LMX1A: variants seen among roughly 807,000 people sequenced by gnomAD.
The protein encoded by LMX1A is LIM homeobox transcription factor 1 alpha, also known as LIM homeobox transcription factor 1-alpha.
LMX1A carries 15 observed loss-of-function variants against 49.1 expected under a neutral mutation model. The ratio of observed to expected loss-of-function variants is 0.31; its 90% CI spans 0.20 to 0.47. The LOEUF is 0.47. LMX1A is among the 20% of genes least tolerant of loss of function. The pLI is 1.00. For missense variants in LMX1A, 372 were observed against 475.8 expected, an observed-to-expected ratio of 0.78 and a Z score of 2.03; for synonymous variants, 167 against 185.7, an observed-to-expected ratio of 0.90 and a Z score of 0.82.
At chr1:165,325,446 T>G (rs956503031) in intron 3 of LMX1A, among the ~76,000 whole-genome samples, 1 of 104,684 alleles carries the variant, frequency 9.6e-6, no homozygotes, top group South Asian at 3.3e-4. Flanking sequence ...TATGTATATG[T>G]ATATGTATAT....
chr1:165,321,265 T>C (rs778031805), intron 3 of LMX1A, among the ~76,000 whole-genome samples: 89 of 152,156 alleles, frequency 5.8e-4, no homozygotes, highest in South Asian at 1.9e-3. Context: ...TTACTGCTAA[T>C]GGATACAGAG....
At chr1:165,354,399 C>T (rs1203955052) in intron 2 of LMX1A, among the ~76,000 whole-genome samples, 2 of 152,150 alleles carry the variant, frequency 1.3e-5, no homozygotes, top group Admixed American at 1.3e-4. Flanking sequence ...TGAGAGCGAA[C>T]GTGGGCCGAG....
intron 3 of LMX1A, among the ~76,000 whole-genome samples, chr1:165,344,576 T>C (rs1382831817): frequency 8.5e-5 from 13 of 152,144 alleles, no homozygotes; most frequent in Admixed American, 7.2e-4. Context: ...GGAAGAAATA[T>C]TAGGCAAAAG....
At chr1:165,306,870 G>A (rs1454118845) in intron 3 of LMX1A, among the ~76,000 whole-genome samples, 1 of 152,200 alleles carries the variant, frequency 6.6e-6, no homozygotes, top group Non-Finnish European at 1.5e-5. Context: ...GTTGAAAGCT[G>A]TGTGCGCCAT....
chr1:165,328,921 A>G (rs1655661496), intron 3 of LMX1A, among the ~76,000 whole-genome samples: 1 of 152,232 alleles, frequency 6.6e-6, no homozygotes, highest in African/African-American at 2.4e-5. Context: ...TCATTGTGGT[A>G]TCAATGTGCA....
chr1:165,258,772 C>T (rs1343576700), intron 3 of LMX1A, among the ~76,000 whole-genome samples: 1 of 152,180 alleles, frequency 6.6e-6, no homozygotes, highest in Non-Finnish European at 1.5e-5. Flanking sequence ...AAGTGCTTTT[C>T]TTGTTCTCGC....
intron 3 of LMX1A, among the ~76,000 whole-genome samples, chr1:165,260,079 T>C (rs1392820133): frequency 3.3e-5 from 5 of 152,196 alleles, no homozygotes; most frequent in East Asian, 1.9e-4. Flanking sequence ...AAAACAGACA[T>C]ATGGAAAATA....
chr1:165,258,847 A>C (rs943654100), intron 3 of LMX1A, among the ~76,000 whole-genome samples: 2 of 152,182 alleles, frequency 1.3e-5, no homozygotes, highest in Admixed American at 1.3e-4. Context: ...ATCTGATTAA[A>C]CCTGTATTCA....
At chr1:165,281,193 C>T (rs1654137803) in intron 3 of LMX1A, among the ~76,000 whole-genome samples, 1 of 152,102 alleles carries the variant, frequency 6.6e-6, no homozygotes. Flanking sequence ...ACTTTTAGTA[C>T]CTCTGAGAAA....
chr1:165,240,550 C>T (rs10800078), intron 4 of LMX1A, among the ~76,000 whole-genome samples: 152,088 of 152,334 alleles, frequency 1, 75,922 homozygotes, highest in Middle Eastern at 1. Flanking sequence ...ACATAGCATT[C>T]AGCACAGAGT....
At chr1:165,257,652 G>A (rs1227456473) in intron 3 of LMX1A, among the ~76,000 whole-genome samples, 1 of 152,160 alleles carries the variant, frequency 6.6e-6, no homozygotes, top group African/African-American at 2.4e-5. Flanking sequence ...ATTCCCTTGG[G>A]AGCCTGGCAA....
intron 4 of LMX1A, among the ~76,000 whole-genome samples, chr1:165,237,993 G>A (rs12079805): frequency 0.022 from 3,316 of 152,270 alleles, 125 homozygotes; most frequent in African/African-American, 0.075. Flanking sequence ...AGATATGAAA[G>A]ACTGAAGTCA....
At chr1:165,244,719 A>G (rs1652780029) in intron 4 of LMX1A, among the ~76,000 whole-genome samples, 1 of 152,152 alleles carries the variant, frequency 6.6e-6, no homozygotes, top group South Asian at 2.1e-4. Flanking sequence ...CTTGGACTGG[A>G]TAAACTCCAA....
At chr1:165,282,767 T>C (rs886777453) in intron 3 of LMX1A, among the ~76,000 whole-genome samples, 57 of 152,204 alleles carry the variant, frequency 3.7e-4, no homozygotes, top group Admixed American at 3.3e-3. Flanking sequence ...CCAGTCCTTC[T>C]AGGCCTCCAA....
chr1:165,318,630 G>C (rs1420968265), intron 3 of LMX1A, among the ~76,000 whole-genome samples: 1 of 152,084 alleles, frequency 6.6e-6, no homozygotes, highest in Admixed American at 6.6e-5. Flanking sequence ...GGAAGCCCCT[G>C]GGTGGCTTCC....
chr1:165,211,509 G>GA (rs1651391865), intron 5 of LMX1A, among the ~76,000 whole-genome samples: 1 of 152,192 alleles, frequency 6.6e-6, no homozygotes, highest in Non-Finnish European at 1.5e-5. Flanking sequence ...TTTCAGAGGG[G>GA]GGCCTGAGAG....
At chr1:165,236,533 T>G (rs1235956733) in intron 4 of LMX1A, among the ~76,000 whole-genome samples, 1 of 152,228 alleles carries the variant, frequency 6.6e-6, no homozygotes, top group Non-Finnish European at 1.5e-5. Context: ...TACAAAAATA[T>G]TATTCATTGT....
intron 4 of LMX1A, among the ~76,000 whole-genome samples, chr1:165,217,070 T>C (rs1651666359): frequency 6.6e-6 from 1 of 152,182 alleles, no homozygotes. Flanking sequence ...TTAATTACAG[T>C]CAGTGGGGGG....
chr1:165,234,684 T>C (rs1452184070), intron 4 of LMX1A, among the ~76,000 whole-genome samples: 2 of 152,194 alleles, frequency 1.3e-5, no homozygotes, highest in Non-Finnish European at 2.9e-5. Context: ...GTGAGACTAA[T>C]TCTCTGAGGT....
Sources: allele counts gnomAD v4.1 joint callset (sites outside exome capture counted in the v4.1 genomes callset), GRCh38; gene constraint gnomAD v4.1.1; transcripts MANE v1.5; gene names NCBI Gene and HGNC (gene_info 2026-07-23, HGNC 2026-07-21).